TYW1B: variants seen among roughly 807,000 people sequenced by gnomAD.
TYW1B encodes S-adenosyl-L-methionine-dependent tRNA 4-demethylwyosine synthase TYW1B.
TYW1B carries 73 observed loss-of-function variants against 86.9 expected under a neutral mutation model. The ratio of observed to expected loss-of-function variants is 0.84; its 90% CI spans 0.70 to 1.02. TYW1B has a LOEUF of 1.02. TYW1B is among the 50% of genes least tolerant of loss of function. The probability of loss-of-function intolerance (pLI) is 0.00; values close to 1 mark genes in which losing one functional copy is unlikely to be tolerated. For synonymous variants in TYW1B, 248 were observed against 292.8 expected (o/e 0.85, Z 1.56); for missense variants, 637 against 827.4 (o/e 0.77, Z 2.82).
At chr7:72,672,969 G>C (rs1813647024) in intron 11 of TYW1B, among the ~76,000 whole-genome samples, 1 of 152,178 alleles carries the variant, frequency 6.6e-6, no homozygotes, top group Non-Finnish European at 1.5e-5. Context: ...AGGAGTTGGA[G>C]ACCAGCCTGG....
intron 13 of TYW1B, among the ~76,000 whole-genome samples, chr7:72,600,216 CACAAAT>C (rs1439672219): frequency 6.6e-6 from 1 of 152,138 alleles, no homozygotes; most frequent in African/African-American, 2.4e-5. Context: ...AATAGATTCA[CACAAAT>C]ACAGTCAACT....
chr7:72,677,604 C>T (rs1813764487), intron 11 of TYW1B, among the ~76,000 whole-genome samples: 3 of 152,174 alleles, frequency 2.0e-5, no homozygotes, highest in South Asian at 2.1e-4. Flanking sequence ...TGACAGCTTC[C>T]GCTTCCTGGC....
intron 13 of TYW1B, among the ~76,000 whole-genome samples, chr7:72,600,770 G>C (rs1194151599): frequency 6.6e-6 from 1 of 152,130 alleles, no homozygotes; most frequent in Non-Finnish European, 1.5e-5. Flanking sequence ...ACTGAGGTGG[G>C]AGGATCCCCT....
intron 6 of TYW1B, among the ~76,000 whole-genome samples, chr7:72,792,182 T>TTGCGCATGGTGGCA (rs1788231878): frequency 1.3e-5 from 2 of 150,874 alleles, no homozygotes; most frequent in African/African-American, 4.9e-5. Context: ...TACAAACTAG[T>TTGCGCATGGTGGCA]TGCGCATGGT....
chr7:72,779,433 G>A (rs1410004725), intron 6 of TYW1B, among the ~76,000 whole-genome samples: 2 of 152,300 alleles, frequency 1.3e-5, no homozygotes, highest in South Asian at 2.1e-4. Context: ...ATTTTAACAC[G>A]TGGCCGGGCA....
intron 7 of TYW1B, among the ~76,000 whole-genome samples, chr7:72,766,430 G>A (rs1353295814): frequency 3.4e-5 from 5 of 145,268 alleles, no homozygotes; most frequent in South Asian, 2.2e-4. Flanking sequence ...CCTGGCCAAC[G>A]TGGCAAAACC....
intron 7 of TYW1B, among the ~76,000 whole-genome samples, chr7:72,753,594 C>A (rs1787537660): frequency 6.6e-6 from 1 of 151,474 alleles, no homozygotes; most frequent in Non-Finnish European, 1.5e-5. Flanking sequence ...GATTCTCCTG[C>A]TTCAGCCTCC....
intron 12 of TYW1B, among the ~76,000 whole-genome samples, chr7:72,618,319 C>T (rs1338570156): frequency 1.3e-4 from 19 of 143,092 alleles, no homozygotes; most frequent in African/African-American, 3.7e-4. Context: ...TGGGTTGAAG[C>T]GATTCTCCTG....
intron 9 of TYW1B, among the ~76,000 whole-genome samples, chr7:72,715,428 CTT>C (rs1786760308): frequency 6.6e-6 from 1 of 152,154 alleles, no homozygotes; most frequent in South Asian, 2.1e-4. Context: ...AGGTACTGCT[CTT>C]GACTCAATGT....
At chr7:72,746,721 T>C (rs1178410905) in intron 7 of TYW1B, among the ~76,000 whole-genome samples, 14 of 152,128 alleles carry the variant, frequency 9.2e-5, no homozygotes, top group African/African-American at 3.4e-4. Flanking sequence ...GGACAGATCA[T>C]GTAAGAACTA....
chr7:72,819,018 T>C (rs1788779033), intron 2 of TYW1B, among the ~76,000 whole-genome samples: 1 of 152,106 alleles, frequency 6.6e-6, no homozygotes. Flanking sequence ...TATTCCTTTA[T>C]GGCAATGCAA....
chr7:72,587,902 A>C (rs1308338837), intron 13 of TYW1B, among the ~76,000 whole-genome samples: 3 of 152,182 alleles, frequency 2.0e-5, no homozygotes, highest in Non-Finnish European at 4.4e-5. Context: ...GCAGTCAGTT[A>C]GGTGAGATCT....
chr7:72,756,005 A>C (rs1218980378), intron 7 of TYW1B, among the ~76,000 whole-genome samples: 3 of 152,178 alleles, frequency 2.0e-5, no homozygotes, highest in African/African-American at 7.2e-5. Flanking sequence ...AAGAGGGCAC[A>C]ATGGAAAAGG....
chr7:72,772,944 G>A (rs1168536975), intron 7 of TYW1B, among the ~76,000 whole-genome samples: 5 of 152,098 alleles, frequency 3.3e-5, no homozygotes, highest in African/African-American at 1.2e-4. Flanking sequence ...TAAACATCTT[G>A]CATATAAATA....
chr7:72,601,464 T>A (rs1363169031), intron 13 of TYW1B, among the ~76,000 whole-genome samples: 1 of 152,118 alleles, frequency 6.6e-6, no homozygotes, highest in Non-Finnish European at 1.5e-5. Flanking sequence ...AGACAGTTTT[T>A]TACAACACTT....
At chr7:72,601,738 C>A (rs1213584643) in intron 13 of TYW1B, among the ~76,000 whole-genome samples, 5 of 116,678 alleles carry the variant, frequency 4.3e-5, no homozygotes, top group Admixed American at 8.8e-5. Context: ...ATCTTAAATG[C>A]ATATTGCTAA....
At chr7:72,770,889 G>T (rs4327740) in intron 7 of TYW1B, among the ~76,000 whole-genome samples, 104,210 of 150,856 alleles carry the variant, frequency 0.69, 36,951 homozygotes, top group Non-Finnish European at 0.77. Context: ...CTCAAAAATA[G>T]GTTGAGTTTA....
intron 11 of TYW1B, among the ~76,000 whole-genome samples, chr7:72,657,021 A>C (rs1346604441): frequency 6.6e-6 from 1 of 152,208 alleles, no homozygotes; most frequent in Non-Finnish European, 1.5e-5. Context: ...TCCAAAGGAA[A>C]ATCGTAATTC....
At chr7:72,802,610 T>A (rs1412118180) in intron 5 of TYW1B, 88 bp from the exon 6 acceptor site, 9 of 1,525,546 alleles carry the variant, frequency 5.9e-6, no homozygotes, top group Middle Eastern at 1.8e-4. Flanking sequence ...GAATTCACTA[T>A]GTCTCTAAAT....
Sources: allele counts gnomAD v4.1 joint callset (sites outside exome capture counted in the v4.1 genomes callset), GRCh38; gene constraint gnomAD v4.1.1; transcripts MANE v1.5; gene names NCBI Gene and HGNC (gene_info 2026-07-23, HGNC 2026-07-21).